GPALPP1: variants seen among roughly 807,000 people sequenced by gnomAD.
GPALPP1 encodes GPALPP motifs-containing protein 1.
In GPALPP1, 30 loss-of-function variants were observed where a neutral mutation model predicts 38.9. That is an observed-to-expected ratio of 0.77 (90% confidence interval 0.58 to 1.05). The LOEUF is 1.05. GPALPP1 is among the 50% of genes least tolerant of loss of function. The pLI is 0.00. For synonymous variants in GPALPP1, 120 were observed against 139.2 expected (o/e 0.86, Z 0.97); for missense variants, 384 against 408.8 (o/e 0.94, Z 0.52).
chr13:44,995,549 A>C (rs2137951326), intron 1 of GPALPP1, among the ~76,000 whole-genome samples: 1 of 152,268 alleles, frequency 6.6e-6, no homozygotes, highest in Non-Finnish European at 1.5e-5. Context: ...TCCTCCCCTG[A>C]CAGGATTTTA....
downstream of GPALPP1, chr13:45,034,953 CTTTTTTT>C (rs141156734): frequency 2.4e-5 from 2 of 82,898 alleles, no homozygotes. Context: ...CCAGGCTGGT[CTTTTTTT>C]TTTTTTTTTT....
chr13:45,009,638 T>C (rs1874337748), intron 4 of GPALPP1, among the ~76,000 whole-genome samples: 1 of 152,206 alleles, frequency 6.6e-6, no homozygotes, highest in Non-Finnish European at 1.5e-5. Context: ...ATGTATGAAT[T>C]CATATATTCC....
chr13:45,030,989 C>G (rs1876168395), downstream of GPALPP1: 1 of 152,074 alleles, frequency 6.6e-6, no homozygotes. Context: ...AATCCTGTCT[C>G]TATTAAAAAT....
rs1230529743 is a variant in GPALPP1 at position 45,027,934 on chromosome 13, A to G, written c.954A>G (p.Lys318=). 3 of 1,611,874 alleles carry G rather than the reference A, an allele frequency of 1.9e-6. No homozygotes were observed. Among genetic ancestry groups the G allele is most frequent in the Non-Finnish European group, 2.5e-6 (3 of 1,178,260 alleles). Residue 318 remains lysine, a synonymous_variant, in exon 8 of 8, where the codon AAA becomes AAG. Coordinates refer to ENST00000379151, the MANE Select transcript of GPALPP1 (RefSeq NM_018559.5). ...KVNRFDEAQK[K]ALIKKSRELN... ...ATCGGTTTGATGAAGCTCAGAAAAA[A>G]GCCCTAATAAAAAAATCTAGAGAAC...
rs9567517 is a variant in GPALPP1 at position 45,019,083 on chromosome 13, A to G, written c.706-1247A>G. ...TATACATATAAATATATACATATAA[A>G]TATATGTATATATATTTATATATAT... On this transcript the variant is annotated intron_variant, in intron 6 of 7. Transcript: ENST00000379151. Among the ~76,000 whole-genome samples the G allele has an allele frequency of 1.2e-3, 140 of 118,562 alleles. 10 individuals are homozygous for G. The highest frequency in any genetic ancestry group is 4.6e-3 in the African/African-American group (135 of 29,564). 77.8% of individuals were successfully genotyped at this position (118,562 alleles called of 152,430 possible). A position where few individuals can be genotyped will look rare whatever the true frequency, so the allele number is the denominator to read the frequency against.
chr13:44,991,145 T>C (rs974216815), intron 1 of GPALPP1, among the ~76,000 whole-genome samples: 2 of 151,614 alleles, frequency 1.3e-5, no homozygotes, highest in African/African-American at 2.4e-5. Flanking sequence ...CTGTAGGAGA[T>C]AGCTTTAAAA....
chr13:44,995,169 A>AACACACACACACACACACAC (rs371911111), intron 1 of GPALPP1, among the ~76,000 whole-genome samples: 1,801 of 128,482 alleles, frequency 0.014, 36 homozygotes, highest in East Asian at 0.046. Flanking sequence ...CCTATCTTTA[A>AACACACACACACACACACAC]ACACACACAC....
In GPALPP1 at chr13:45,028,132, T is replaced by C; in HGVS notation, c.*129T>C. ...ATAGATTAAAAATTTTATATTTTTA[T>C]AAGTAAACAGTGATTTTTGAAAAGT... is the stretch of plus-strand genomic sequence containing the variant. On this transcript the variant is annotated 3_prime_UTR_variant, in exon 8 of 8. Transcript: ENST00000379151. 2.2e-6 allele frequency: 1 copy of C among 463,058 alleles called. No homozygotes were observed. Among genetic ancestry groups the C allele is most frequent in the Non-Finnish European group, 3.7e-6 (1 of 267,050 alleles). 28.7% of individuals were successfully genotyped at this position (463,058 alleles called of 1,614,324 possible). A position where few individuals can be genotyped will look rare whatever the true frequency, so the allele number is the denominator to read the frequency against.
intron 6 of GPALPP1, 46 bp from the exon 7 acceptor site, chr13:45,020,284 C>A: frequency 1.3e-6 from 1 of 759,098 alleles, no homozygotes; most frequent in Non-Finnish European, 2.3e-6. Flanking sequence ...TTTGTTTTAT[C>A]TTAATCTTAT....
chr13:45,018,265 C>T (rs1420899881), intron 6 of GPALPP1, among the ~76,000 whole-genome samples: 19 of 152,060 alleles, frequency 1.2e-4, no homozygotes, highest in African/African-American at 3.9e-4. Flanking sequence ...GGCGTGGTGG[C>T]GGGCGCCTGT....
intron 4 of GPALPP1, among the ~76,000 whole-genome samples, chr13:45,009,367 C>T (rs1874320106): frequency 6.6e-6 from 1 of 152,126 alleles, no homozygotes; most frequent in Non-Finnish European, 1.5e-5. Flanking sequence ...AGTATAAAGG[C>T]TGTTTTTCTC....
At chr13:44,991,450 A>AC in intron 1 of GPALPP1, among the ~76,000 whole-genome samples, 1 of 152,146 alleles carries the variant, frequency 6.6e-6, no homozygotes, top group East Asian at 1.9e-4. Flanking sequence ...TGTCTCAAAA[A>AC]AAAAAAAGAA....
At chr13:44,989,967 A>G in intron 1 of GPALPP1, 1 of 592,078 alleles carries the variant, frequency 1.7e-6, no homozygotes, top group Non-Finnish European at 3.0e-6. Flanking sequence ...ATGATAATAC[A>G]TTCTCATTTA....
At chr13:45,002,166 C>A in intron 1 of GPALPP1, 1 of 152,624 alleles carries the variant, frequency 6.6e-6, no homozygotes, top group Non-Finnish European at 1.5e-5. Flanking sequence ...TGTGGTGGTG[C>A]ATGCCTGTAG....
At chr13:45,023,916 G>A (rs1221673692) in intron 7 of GPALPP1, among the ~76,000 whole-genome samples, 3 of 152,034 alleles carry the variant, frequency 2.0e-5, no homozygotes, top group Non-Finnish European at 2.9e-5. Flanking sequence ...TTGGCATCCT[G>A]TCTCCTATTA....
chr13:45,019,520 T>A (rs1486297788), intron 6 of GPALPP1, among the ~76,000 whole-genome samples: 1 of 151,906 alleles, frequency 6.6e-6, no homozygotes, highest in African/African-American at 2.4e-5. Context: ...GTTCCAGGAG[T>A]TTTTTTAGTA....
chr13:45,018,930 A>AATAGATACATATAAAT (rs1566081669), intron 6 of GPALPP1, among the ~76,000 whole-genome samples: 6 of 82,946 alleles, frequency 7.2e-5, no homozygotes, highest in African/African-American at 4.8e-4. Flanking sequence ...TAAATGTATA[A>AATAGATACATATAAAT]ATATATACAT....
chr13:44,995,349 T>C (rs1452537092), intron 1 of GPALPP1, among the ~76,000 whole-genome samples: 1 of 152,190 alleles, frequency 6.6e-6, no homozygotes, highest in African/African-American at 2.4e-5. Flanking sequence ...CCCTCTTTTT[T>C]TTTAATACTC....
rs552445377 is a variant in GPALPP1 at position 44,996,074 on chromosome 13, G to A, written c.88+6332G>A. 2.0e-5 allele frequency among the ~76,000 whole-genome samples: 3 copies of A among 152,210 alleles called. No individual in the cohort carries two copies. In the South Asian group the frequency reaches 6.2e-4, roughly 32 times the overall value. ...GAGTAGAGGACAGTAAAAATTCCTG[G>A]TCAGGCGCAGTGGCTCATGCCTATA... On this transcript the variant is annotated intron_variant, in intron 1 of 7. Transcript: ENST00000379151.
Sources: allele counts gnomAD v4.1 joint callset (sites outside exome capture counted in the v4.1 genomes callset), GRCh38; gene constraint gnomAD v4.1.1; transcripts MANE v1.5; gene names NCBI Gene and HGNC (gene_info 2026-07-23, HGNC 2026-07-21).